Variants in CPLANE1 observed in about 807,000 individuals in gnomAD.
CPLANE1 encodes ciliogenesis and planar polarity effector 1.
Under a neutral mutation model 362.5 loss-of-function variants are expected in CPLANE1, and 263 were observed. That is an observed-to-expected ratio of 0.73 (90% CI 0.66 to 0.80). The LOEUF is 0.80. Ranked by LOEUF, CPLANE1 falls within the 30% of genes least tolerant of loss-of-function variation. The pLI is 0.00. For synonymous variants in CPLANE1, 1,212 were observed against 1,302.6 expected (o/e 0.93, Z 1.50); for missense variants, 3,461 against 3,793.4 (o/e 0.91, Z 2.30).
At chr5:37,198,955 A>C in intron 19 of CPLANE1, 89 bp from the exon 20 acceptor site, 1 of 1,239,914 alleles carries the variant, frequency 8.1e-7, no homozygotes, top group Non-Finnish European at 1.1e-6. Flanking sequence ...TAATGAGCTG[A>C]GCACAGTGGC....
chr5:37,246,237 C>T (rs1057138395), intron 2 of CPLANE1: 1 of 150,670 alleles, frequency 6.6e-6, no homozygotes, highest in African/African-American at 2.5e-5. Context: ...CACTATCCCA[C>T]TACTAATAAG....
rs1739433030 is a variant in CPLANE1, at chr5:37,245,778, A to G, written c.149T>C (p.Ile50Thr). 6.5e-7 allele frequency: 1 copy of G among 1,535,284 alleles called. No individual in the cohort carries two copies. The highest frequency in any genetic ancestry group is 8.8e-7 in the Non-Finnish European group (1 of 1,141,996). Residue 50 changes from isoleucine to threonine, a missense_variant, in exon 3 of 53, where the codon ATA becomes ACA. Coordinates refer to ENST00000651892, the MANE Select transcript of CPLANE1 (RefSeq NM_001384732.1). ...CTGCAGACTAGGAATTTTCTTCTTT[A>G]TCTTTCCTGATAGCAAATTAATTTC... ...INEINLLSGK[I>T]KKKIPSLQPF...
At chr5:37,225,380 G>A (rs766349512) in intron 12 of CPLANE1, among the ~76,000 whole-genome samples, 2 of 152,056 alleles carry the variant, frequency 1.3e-5, no homozygotes, top group African/African-American at 2.4e-5. Context: ...CTCCTGGGTC[G>A]CTGGGATTAC....
At chr5:37,125,154 CA>C in intron 47 of CPLANE1, 89 bp downstream of exon 47, 2 of 1,438,120 alleles carry the variant, frequency 1.4e-6, no homozygotes, top group Non-Finnish European at 1.9e-6. Context: ...CAAATGTATC[CA>C]AATTATGTTA....
chr5:37,233,681 T>A (rs1486443451), intron 8 of CPLANE1, among the ~76,000 whole-genome samples: 1 of 151,858 alleles, frequency 6.6e-6, no homozygotes. Context: ...GCCCACACCA[T>A]ACCAGATACC....
Position 37,177,713 on chromosome 5 carries a change from A to T in CPLANE1, c.5821-13T>A, listed in dbSNP as rs376148671. 1.2e-6 allele frequency: 2 copies of T among 1,601,414 alleles called. No individual in the cohort carries two copies. Among genetic ancestry groups the T allele is most frequent in the Middle Eastern group, 3.3e-4 (2 of 6,036 alleles). On this transcript the variant is annotated splice_polypyrimidine_tract_variant and intron_variant, in intron 29 of 52. Coordinates refer to ENST00000651892, the MANE Select transcript of CPLANE1 (RefSeq NM_001384732.1). ...CTTCTGTGAACTCCTGTTAAAATGA[A>T]TAGTACCCAAAAAGAAAACAGGTAA...
chr5:37,085,183 CCCT>C, the CPLANE1 span: 1 of 816,318 alleles, frequency 1.2e-6, no homozygotes, highest in East Asian at 2.5e-5. Flanking sequence ...GAGTGTCTCC[CCCT>C]CATCATTTTC....
chr5:37,233,103 T>C (rs1798119460), intron 8 of CPLANE1, among the ~76,000 whole-genome samples: 1 of 152,146 alleles, frequency 6.6e-6, no homozygotes, highest in African/African-American at 2.4e-5. Flanking sequence ...GCCTGACACA[T>C]GGAGCTGCCT....
At chr5:37,121,094 T>C (rs1762484690) in intron 49 of CPLANE1, among the ~76,000 whole-genome samples, 1 of 152,236 alleles carries the variant, frequency 6.6e-6, no homozygotes, top group South Asian at 2.1e-4. Context: ...TTCTTCAGCA[T>C]TCTATGTTTA....
chr5:37,238,142 A>G (rs1799431217), intron 8 of CPLANE1, among the ~76,000 whole-genome samples: 2 of 152,188 alleles, frequency 1.3e-5, no homozygotes, highest in South Asian at 4.1e-4. Context: ...TCACACCACT[A>G]CACTCCAGCT....
chr5:37,151,298 G>C (rs1015781971), intron 42 of CPLANE1, among the ~76,000 whole-genome samples: 2 of 152,066 alleles, frequency 1.3e-5, no homozygotes, highest in African/African-American at 2.4e-5. Context: ...TTACCAGCTC[G>C]AGTCACCTCC....
At chr5:37,134,794 CTTT>C (rs372028750) in intron 46 of CPLANE1, among the ~76,000 whole-genome samples, 17 of 133,100 alleles carry the variant, frequency 1.3e-4, no homozygotes, top group African/African-American at 4.4e-4. Flanking sequence ...AAACTTTCCA[CTTT>C]TTTTTTTTTT....
At chr5:37,236,490 G>GA (rs1561696684) in intron 8 of CPLANE1, among the ~76,000 whole-genome samples, 1 of 152,002 alleles carries the variant, frequency 6.6e-6, no homozygotes, top group African/African-American at 2.4e-5. Flanking sequence ...GAAAACCTAG[G>GA]AAAAACTCTT....
chr5:37,226,785 G>A lies in CPLANE1; in HGVS notation c.1810C>T (p.His604Tyr), dbSNP rs761342892. ...MLNYIVVCIT[H>Y]FFYILQFIKC... ...ATAAATTGAAGAATGTAAAAAAAAT[G>A]AGTGATACAAACTACTATGTAATTT... Residue 604 changes from histidine (H) to tyrosine (Y), a missense_variant, in exon 12 of 53, where the codon CAT becomes TAT. Coordinates refer to ENST00000651892, the MANE Select transcript of CPLANE1 (RefSeq NM_001384732.1). The A allele has an allele frequency of 1.9e-6, 3 of 1,542,908 alleles. No homozygotes were observed. Among genetic ancestry groups the A allele is most frequent in the Non-Finnish European group, 2.6e-6 (3 of 1,143,714 alleles).
chr5:37,082,850 G>A, the CPLANE1 span, among the ~76,000 whole-genome samples: 8 of 151,972 alleles, frequency 5.3e-5, no homozygotes, highest in African/African-American at 1.9e-4. Flanking sequence ...AAGAAACAAA[G>A]GGTGGAGTTG....
chr5:37,128,464 TG>T (rs1764857008), intron 46 of CPLANE1, among the ~76,000 whole-genome samples: 1 of 152,222 alleles, frequency 6.6e-6, no homozygotes, highest in Non-Finnish European at 1.5e-5. Flanking sequence ...CATGTATCAC[TG>T]CTGAAAGAAA....
At chr5:37,138,508 A>AT (rs1768541106) in intron 46 of CPLANE1, 1 of 685,122 alleles carries the variant, frequency 1.5e-6, no homozygotes, top group African/African-American at 1.8e-5. Flanking sequence ...ACTTAGAGTG[A>AT]TTCTTGGGAA....
intron 8 of CPLANE1, among the ~76,000 whole-genome samples, chr5:37,233,902 A>C (rs2150570580): frequency 6.6e-6 from 1 of 152,274 alleles, no homozygotes; most frequent in African/African-American, 2.4e-5. Flanking sequence ...CAAGTCCCTA[A>C]CAAAACTTCA....
intron 47 of CPLANE1, chr5:37,125,011 A>G: frequency 7.8e-7 from 1 of 1,279,142 alleles, no homozygotes; most frequent in Non-Finnish European, 9.8e-7. Flanking sequence ...AGCCATCATT[A>G]GCCTGGGGGA....
Sources: allele counts gnomAD v4.1 joint callset (sites outside exome capture counted in the v4.1 genomes callset), GRCh38; gene constraint gnomAD v4.1.1; transcripts MANE v1.5; gene names NCBI Gene and HGNC (gene_info 2026-07-23, HGNC 2026-07-21).